The following SLC39A10 variants were observed in gnomAD, a reference collection of about 807,000 sequenced individuals.
SLC39A10 encodes solute carrier family 39 member 10.
In SLC39A10, 13 loss-of-function variants were observed where a neutral mutation model predicts 65.1. That is an observed-to-expected ratio of 0.20 (90% CI 0.13 to 0.32). The LOEUF (loss-of-function observed/expected upper bound fraction) is 0.32, where lower values mean the gene tolerates loss of function less well. Among genes scored for constraint, SLC39A10 ranks in the 10% least tolerant of loss-of-function variants. The probability of loss-of-function intolerance (pLI) is 1.00; values close to 1 mark genes in which losing one functional copy is unlikely to be tolerated. For synonymous variants in SLC39A10, 321 were observed against 342.2 expected, an observed-to-expected ratio of 0.94 and a Z score of 0.68; for missense variants, 831 against 1,018.4, an observed-to-expected ratio of 0.82 and a Z score of 2.50.
rs575400136 is a variant in SLC39A10 at position 195,638,181 on chromosome 2, C to T, written c.-12+31948C>T. 3.9e-5 allele frequency among the ~76,000 whole-genome samples: 6 copies of T among 152,098 alleles called. No individual in the cohort carries two copies. In the East Asian group the frequency reaches 9.6e-4, roughly 24 times the overall value. On this transcript the variant is annotated intron_variant, in intron 2 of 2. Transcript: ENST00000458054. ...CCAATTTTTTATAAATAAATAGAGA[C>T]GGGACCTTGCTATGTTGTCCAGGCT...
chr2:195,711,291 T>TTTTTA (rs1691594041), intron 5 of SLC39A10, among the ~76,000 whole-genome samples: 2 of 152,210 alleles, frequency 1.3e-5, no homozygotes, highest in Non-Finnish European at 2.9e-5. Flanking sequence ...TTTTATAATT[T>TTTTTA]GATCTTTTTA....
chr2:195,716,936 A>G lies in SLC39A10; in HGVS notation c.1996A>G (p.Ile666Val). The change falls in exon 7 of 10, where the codon ATA becomes GTA. Residue 666 changes from isoleucine (I) to valine (V), a missense_variant. This residue lies in a region of SLC39A10 where 230 missense variants were observed against 242.9 expected (regional missense o/e 0.95). Transcript: ENST00000359634. Reference sequence around the variant, plus strand: ...TGGATCCGATCTGAAAGAAACAGGAATAGCTAATATAGCCTGGATGGTGAT... The same window carrying G: ...TGGATCCGATCTGAAAGAAACAGGAGTAGCTAATATAGCCTGGATGGTGAT... Reference protein sequence around the residue: ...HSGSDLKETGIANIAWMVIMG... With the variant: ...HSGSDLKETGVANIAWMVIMG... The G allele has an allele frequency of 6.2e-7, 1 of 1,614,236 alleles. No homozygotes were observed. The highest frequency in any genetic ancestry group is 1.1e-5 in the South Asian group (1 of 91,082).
At chr2:195,701,475 TTTTG>T (rs965692565) in intron 3 of SLC39A10, among the ~76,000 whole-genome samples, 1 of 150,218 alleles carries the variant, frequency 6.7e-6, no homozygotes, top group Non-Finnish European at 1.5e-5. Flanking sequence ...TGCCTTGCTT[TTTTG>T]TTTCTTTGTA....
intron 1 of SLC39A10, among the ~76,000 whole-genome samples, chr2:195,679,347 C>G: frequency 6.6e-6 from 1 of 152,264 alleles, no homozygotes; most frequent in East Asian, 1.9e-4. Context: ...CGGTTTTTAG[C>G]TTTTGTCTTC....
intron 2 of SLC39A10, among the ~76,000 whole-genome samples, chr2:195,649,318 T>C (rs1231255739): frequency 6.6e-6 from 1 of 152,258 alleles, no homozygotes; most frequent in Non-Finnish European, 1.5e-5. Flanking sequence ...ATTCTTGTTT[T>C]GACAATTCAT....
chr2:195,645,412 T>C (rs1020651450), intron 2 of SLC39A10, among the ~76,000 whole-genome samples: 1 of 152,222 alleles, frequency 6.6e-6, no homozygotes, highest in East Asian at 1.9e-4. Context: ...CAAAATTACA[T>C]TGAAAAATTC....
rs539689990 is a variant in SLC39A10, at chr2:195,682,888, C to G, written c.1009-811C>G. The stretch of plus-strand genomic sequence containing the variant: ...AAAAAAACTAAGAAGAATCATTTTT[C>G]TGTGTTTATAGGTTTTGATTTTAGT... On this transcript the variant is annotated intron_variant, in intron 2 of 9. Transcript: ENST00000359634. 5.3e-5 allele frequency among the ~76,000 whole-genome samples: 8 copies of G among 150,874 alleles called. No homozygotes were observed. The South Asian group carries it at 1.7e-3, about 32-fold the overall frequency.
chr2:195,716,414 CTTTGTG>C (rs1046406266), intron 6 of SLC39A10, among the ~76,000 whole-genome samples: 35 of 152,068 alleles, frequency 2.3e-4, no homozygotes, highest in African/African-American at 8.0e-4. Flanking sequence ...CCAATTTCTT[CTTTGTG>C]TGTGTATGTT....
chr2:195,717,542 T>A (rs1404638710), intron 7 of SLC39A10, among the ~76,000 whole-genome samples: 2 of 152,284 alleles, frequency 1.3e-5, no homozygotes, highest in East Asian at 3.9e-4. Context: ...CTTTGGTTTC[T>A]TTCAGAAAGC....
At chr2:195,676,728 A>G (rs368076539) in intron 1 of SLC39A10, among the ~76,000 whole-genome samples, 3 of 152,222 alleles carry the variant, frequency 2.0e-5, no homozygotes, top group Admixed American at 6.5e-5. Flanking sequence ...ATACCTTGCT[A>G]ATCTTCTGAA....
intron 1 of SLC39A10, among the ~76,000 whole-genome samples, chr2:195,671,150 A>T (rs1689842553): frequency 6.6e-6 from 1 of 152,236 alleles, no homozygotes; most frequent in African/African-American, 2.4e-5. Flanking sequence ...CTTAAATACA[A>T]GAGAATATTA....
rs1691904122 is a variant in SLC39A10, at chr2:195,718,606, T to C, written c.2146+274T>C. On this transcript the variant is annotated intron_variant, in intron 8 of 9. Coordinates refer to ENST00000359634, the MANE Select transcript of SLC39A10 (RefSeq NM_020342.3). ...TATAGATTATGACTGGTTCACTAAG[T>C]ATAACTTTTAAAAAGAAATATTTCT... is the stretch of plus-strand genomic sequence containing the variant. Among the ~76,000 whole-genome samples, 5 of 152,326 alleles carry C rather than the reference T, an allele frequency of 3.3e-5. No individual in the cohort carries two copies. The South Asian group carries it at 1.0e-3, about 32-fold the overall frequency.
chr2:195,726,122 G>A (rs1692231001), intron 8 of SLC39A10, among the ~76,000 whole-genome samples: 1 of 152,146 alleles, frequency 6.6e-6, no homozygotes, highest in South Asian at 2.1e-4. Context: ...AGTTCGCCTT[G>A]AATCTTGATT....
chr2:195,661,121 A>G (rs1265498456), intron 1 of SLC39A10, among the ~76,000 whole-genome samples: 3 of 152,208 alleles, frequency 2.0e-5, no homozygotes, highest in African/African-American at 4.8e-5. Context: ...CACAAAGGCA[A>G]TGAACAGATA....
At chr2:195,643,117 C>T (rs1688843836) in intron 2 of SLC39A10, among the ~76,000 whole-genome samples, 1 of 152,168 alleles carries the variant, frequency 6.6e-6, no homozygotes, top group African/African-American at 2.4e-5. Flanking sequence ...CCAAATTTAT[C>T]AAATTCCTTG....
chr2:195,630,326 C>T (rs184275162), intron 2 of SLC39A10, among the ~76,000 whole-genome samples: 5 of 152,126 alleles, frequency 3.3e-5, no homozygotes, highest in African/African-American at 1.2e-4. Flanking sequence ...ATAAAGGATA[C>T]AGATGAAAAG....
upstream of SLC39A10, among the ~76,000 whole-genome samples, chr2:195,654,287 T>C (rs1574224660): frequency 6.6e-6 from 1 of 152,238 alleles, no homozygotes; most frequent in East Asian, 1.9e-4. Context: ...TTAATTTTGT[T>C]GTGTATGATG....
chr2:195,681,872 A>G (rs1332131568), intron 2 of SLC39A10, among the ~76,000 whole-genome samples: 2 of 152,178 alleles, frequency 1.3e-5, no homozygotes, highest in African/African-American at 4.8e-5. Flanking sequence ...AGTGGTTCCA[A>G]GTCATTGGTG....
intron 2 of SLC39A10, among the ~76,000 whole-genome samples, chr2:195,639,078 C>G (rs867177386): frequency 5.9e-5 from 9 of 151,968 alleles, no homozygotes; most frequent in African/African-American, 2.2e-4. Flanking sequence ...GCCTCTGCCT[C>G]CTATGTAGCT....
Sources: gnomAD v4.1 joint callset for allele counts (sites outside exome capture counted in the v4.1 genomes callset) on GRCh38, gnomAD v4.1.1 for gene constraint, gnomAD v4.1.1 regional missense constraint, MANE v1.5 for transcripts, NCBI Gene and HGNC (gene_info 2026-07-23, HGNC 2026-07-21) for gene names.